The following ST6GALNAC3 variants were observed in gnomAD, a reference collection of about 807,000 sequenced individuals.
ST6GALNAC3 encodes ST6 N-acetylgalactosaminide alpha-2,6-sialyltransferase 3.
Under a neutral mutation model 32.7 loss-of-function variants are expected in ST6GALNAC3, and 25 were observed. The observed-to-expected ratio is 0.76, with a 90% confidence interval of 0.56 to 1.07. ST6GALNAC3 has a LOEUF of 1.07. Among genes scored for constraint, ST6GALNAC3 ranks in the 50% least tolerant of loss-of-function variants. The pLI is 0.00. For synonymous variants in ST6GALNAC3, 129 were observed against 133.1 expected (o/e 0.97, Z 0.21); for missense variants, 355 against 382.4 (o/e 0.93, Z 0.60).
At chr1:76,454,054 T>G (rs555379838) in intron 3 of ST6GALNAC3, among the ~76,000 whole-genome samples, 1 of 152,288 alleles carries the variant, frequency 6.6e-6, no homozygotes, top group African/African-American at 2.4e-5. Context: ...ATTTTTTAAC[T>G]GCTGTTGCTT....
chr1:76,113,950 G>C (rs1371834981), intron 1 of ST6GALNAC3, among the ~76,000 whole-genome samples: 1 of 150,394 alleles, frequency 6.6e-6, no homozygotes, highest in Non-Finnish European at 1.5e-5. Context: ...TCAACCTCCT[G>C]AGTAGCTGGG....
chr1:76,411,737 A>T (rs532159655), intron 2 of ST6GALNAC3, among the ~76,000 whole-genome samples: 9 of 152,160 alleles, frequency 5.9e-5, no homozygotes, highest in Non-Finnish European at 1.3e-4. Context: ...TGGAAAACAA[A>T]TAACTATTTT....
chr1:76,361,538 T>C (rs73004234), intron 2 of ST6GALNAC3, among the ~76,000 whole-genome samples: 12,046 of 152,248 alleles, frequency 0.079, 1,211 homozygotes, highest in African/African-American at 0.24. Flanking sequence ...TAACTAAGTG[T>C]ATTTGAAAAT....
At chr1:76,338,924 G>A (rs1396960378) in intron 2 of ST6GALNAC3, among the ~76,000 whole-genome samples, 1 of 152,174 alleles carries the variant, frequency 6.6e-6, no homozygotes, top group East Asian at 1.9e-4. Flanking sequence ...CAAGATGAGT[G>A]TATAGTAGGA....
At chr1:76,386,824 C>T (rs954680682) in intron 2 of ST6GALNAC3, among the ~76,000 whole-genome samples, 1 of 152,076 alleles carries the variant, frequency 6.6e-6, no homozygotes, top group South Asian at 2.1e-4. Context: ...ATCCAAATTA[C>T]CAGCAAAAGA....
chr1:76,149,507 G>C (rs1457754520), intron 1 of ST6GALNAC3, among the ~76,000 whole-genome samples: 5 of 152,138 alleles, frequency 3.3e-5, no homozygotes, highest in African/African-American at 1.2e-4. Flanking sequence ...AAAATTAGAT[G>C]TATTTCTGGT....
chr1:76,291,091 G>A (rs1052462436), intron 1 of ST6GALNAC3, among the ~76,000 whole-genome samples: 5 of 152,204 alleles, frequency 3.3e-5, no homozygotes, highest in Admixed American at 3.3e-4. Context: ...TTTTGAGCAG[G>A]AAAGGAGGAG....
intron 2 of ST6GALNAC3, among the ~76,000 whole-genome samples, chr1:76,350,400 T>C (rs1217890462): frequency 6.6e-6 from 1 of 152,202 alleles, no homozygotes; most frequent in Non-Finnish European, 1.5e-5. Flanking sequence ...CAAGATTTAC[T>C]AAGCATTGGG....
At chr1:76,188,191 A>G (rs557999370) in intron 1 of ST6GALNAC3, among the ~76,000 whole-genome samples, 3 of 152,070 alleles carry the variant, frequency 2.0e-5, no homozygotes, top group Non-Finnish European at 2.9e-5. Context: ...GTGAAACCCC[A>G]TCTCTACTAA....
intron 3 of ST6GALNAC3, among the ~76,000 whole-genome samples, chr1:76,492,001 G>A (rs1660531012): frequency 6.6e-6 from 1 of 152,124 alleles, no homozygotes; most frequent in African/African-American, 2.4e-5. Context: ...TAAACATCCT[G>A]ATATGTACAT....
chr1:76,151,155 C>T (rs1651014698), intron 1 of ST6GALNAC3, among the ~76,000 whole-genome samples: 1 of 152,096 alleles, frequency 6.6e-6, no homozygotes, highest in Non-Finnish European at 1.5e-5. Flanking sequence ...GAGATGTGTT[C>T]AGGCCTCCCC....
At chr1:76,356,327 A>G (rs1649441166) in intron 2 of ST6GALNAC3, among the ~76,000 whole-genome samples, 1 of 152,052 alleles carries the variant, frequency 6.6e-6, no homozygotes, top group Admixed American at 6.6e-5. Context: ...ATCGGATCCA[A>G]ATATAAAGGC....
At chr1:76,490,749 A>G (rs574827868) in intron 3 of ST6GALNAC3, among the ~76,000 whole-genome samples, 3 of 152,098 alleles carry the variant, frequency 2.0e-5, no homozygotes, top group African/African-American at 7.2e-5. Flanking sequence ...GTTCCACGTA[A>G]TAGTCAAACC....
chr1:76,501,553 G>T (rs1231206750), intron 3 of ST6GALNAC3, among the ~76,000 whole-genome samples: 1 of 152,112 alleles, frequency 6.6e-6, no homozygotes. Flanking sequence ...TGAATTGTAA[G>T]AGATGGGTCA....
chr1:76,285,908 C>T (rs1659749385), intron 1 of ST6GALNAC3, among the ~76,000 whole-genome samples: 1 of 152,020 alleles, frequency 6.6e-6, no homozygotes. Flanking sequence ...ACACACACCC[C>T]CGCGCCCCCT....
intron 2 of ST6GALNAC3, among the ~76,000 whole-genome samples, chr1:76,340,727 G>C (rs1341835617): frequency 6.6e-6 from 1 of 152,094 alleles, no homozygotes; most frequent in Non-Finnish European, 1.5e-5. Context: ...GTGTTTGGGA[G>C]TAGGACTTCC....
intron 3 of ST6GALNAC3, among the ~76,000 whole-genome samples, chr1:76,435,749 T>A (rs1160122761): frequency 6.6e-6 from 1 of 152,192 alleles, no homozygotes; most frequent in Non-Finnish European, 1.5e-5. Context: ...AAATTTGATG[T>A]GTTCATGGTT....
intron 3 of ST6GALNAC3, among the ~76,000 whole-genome samples, chr1:76,481,119 C>T (rs559169898): frequency 1.3e-5 from 2 of 152,088 alleles, no homozygotes; most frequent in Non-Finnish European, 2.9e-5. Context: ...TTTTCCATTT[C>T]TAACATTTGG....
At chr1:76,606,572 G>A (rs745426213) in intron 3 of ST6GALNAC3, among the ~76,000 whole-genome samples, 2 of 152,088 alleles carry the variant, frequency 1.3e-5, no homozygotes, top group Non-Finnish European at 2.9e-5. Context: ...AGAGGGTGGA[G>A]GGGGAGGAGG....
Sources: gnomAD v4.1 joint callset for allele counts (sites outside exome capture counted in the v4.1 genomes callset) on GRCh38, gnomAD v4.1.1 for gene constraint, MANE v1.5 for transcripts, NCBI Gene and HGNC (gene_info 2026-07-23, HGNC 2026-07-21) for gene names.